FMNL2: variants seen among roughly 807,000 people sequenced by gnomAD.
FMNL2 encodes the protein formin like 2, also known as formin-like protein 2.
FMNL2 carries 51 observed loss-of-function variants against 130.2 expected under a neutral mutation model. The observed-to-expected ratio is 0.39, with a 90% confidence interval of 0.31 to 0.49. The LOEUF is 0.49. Among genes scored for constraint, FMNL2 ranks in the 20% least tolerant of loss-of-function variants. The pLI is 0.85. For synonymous variants in FMNL2, 465 were observed against 467.1 expected, an observed-to-expected ratio of 1.00 and a Z score of 0.06; for missense variants, 977 against 1,316.2, an observed-to-expected ratio of 0.74 and a Z score of 3.99.
intron 7 of FMNL2, among the ~76,000 whole-genome samples, chr2:152,577,834 GTGAGGATTTATAC>G (rs1696560861): frequency 6.6e-6 from 1 of 152,204 alleles, no homozygotes; most frequent in Non-Finnish European, 1.5e-5. Flanking sequence ...TGAGCAGGAA[GTGAGGATTTATAC>G]TGAGTGTCTG....
At chr2:152,646,746 C>A (rs55785027) in intron 25 of FMNL2, among the ~76,000 whole-genome samples, 27,372 of 152,104 alleles carry the variant, frequency 0.18, 2,665 homozygotes, top group East Asian at 0.29. Flanking sequence ...TGTATTCTAG[C>A]AGAAGTCAAC....
chr2:152,485,073 T>C (rs184437211), intron 1 of FMNL2, among the ~76,000 whole-genome samples: 18 of 152,308 alleles, frequency 1.2e-4, no homozygotes, highest in Admixed American at 1.0e-3. Context: ...AAAAATATTC[T>C]GGGGCTGGGC....
chr2:152,486,230 G>A (rs1487965899), intron 1 of FMNL2, among the ~76,000 whole-genome samples: 1 of 152,196 alleles, frequency 6.6e-6, no homozygotes, highest in African/African-American at 2.4e-5. Flanking sequence ...TAAAGTTAAT[G>A]TAATTTACGG....
At chr2:152,637,499 A>C (rs1243666741) in intron 22 of FMNL2, 74 bp from the exon 23 acceptor site, 16 of 1,182,932 alleles carry the variant, frequency 1.4e-5, no homozygotes, top group Non-Finnish European at 1.8e-5. Flanking sequence ...GCTGCTTTGC[A>C]TCAGCGTTCC....
At chr2:152,525,715 C>T (rs966982127) in intron 2 of FMNL2, among the ~76,000 whole-genome samples, 5 of 152,154 alleles carry the variant, frequency 3.3e-5, no homozygotes, top group African/African-American at 7.2e-5. Flanking sequence ...CTGTGCGAAG[C>T]GTTTCAGGGA....
intron 1 of FMNL2, among the ~76,000 whole-genome samples, chr2:152,408,200 G>A (rs944352440): frequency 5.9e-5 from 9 of 152,288 alleles, no homozygotes; most frequent in African/African-American, 2.2e-4. Flanking sequence ...GTTGTGATAA[G>A]TAATCATATG....
intron 1 of FMNL2, among the ~76,000 whole-genome samples, chr2:152,466,266 C>A (rs914609727): frequency 3.9e-5 from 6 of 152,168 alleles, no homozygotes; most frequent in African/African-American, 1.4e-4. Flanking sequence ...AGGACATGCC[C>A]CTGATGGGTC....
At chr2:152,364,449 C>T (rs1335000646) in intron 1 of FMNL2, among the ~76,000 whole-genome samples, 2 of 152,174 alleles carry the variant, frequency 1.3e-5, no homozygotes, top group South Asian at 2.1e-4. Flanking sequence ...CCTGCCTTTG[C>T]ATGTTGTCAT....
chr2:152,384,451 G>A (rs1232231666), intron 1 of FMNL2, among the ~76,000 whole-genome samples: 2 of 152,178 alleles, frequency 1.3e-5, no homozygotes, highest in African/African-American at 4.8e-5. Context: ...CTAGGCCATG[G>A]AATGACTGTG....
intron 4 of FMNL2, among the ~76,000 whole-genome samples, chr2:152,550,103 T>C (rs895988192): frequency 3.3e-5 from 5 of 152,098 alleles, no homozygotes; most frequent in South Asian, 2.1e-4. Context: ...TAAAACCTTT[T>C]CCCCCCCTCA....
At chr2:152,612,178 A>G (rs375882381) in intron 11 of FMNL2, among the ~76,000 whole-genome samples, 7 of 152,218 alleles carry the variant, frequency 4.6e-5, no homozygotes, top group African/African-American at 1.7e-4. Context: ...AGAAGAGTTT[A>G]GCCAGTTCCC....
chr2:152,440,284 G>T (rs1185299213), intron 1 of FMNL2, among the ~76,000 whole-genome samples: 1 of 152,102 alleles, frequency 6.6e-6, no homozygotes. Context: ...CGTTTCAGCA[G>T]CCAACTCAGC....
At chr2:152,445,934 T>G (rs976969139) in intron 1 of FMNL2, among the ~76,000 whole-genome samples, 3 of 152,220 alleles carry the variant, frequency 2.0e-5, no homozygotes, top group African/African-American at 4.8e-5. Context: ...CCAAAAACAT[T>G]ACAGCTCATC....
At chr2:152,549,352 G>A (rs1165316015) in intron 4 of FMNL2, among the ~76,000 whole-genome samples, 1 of 152,154 alleles carries the variant, frequency 6.6e-6, no homozygotes, top group Non-Finnish European at 1.5e-5. Context: ...ATGGACACTT[G>A]GTTTCATGTG....
intron 1 of FMNL2, among the ~76,000 whole-genome samples, chr2:152,347,103 T>A (rs13397100): frequency 0.96 from 144,836 of 151,406 alleles, 69,518 homozygotes; most frequent in Non-Finnish European, 1. Flanking sequence ...AAAAAAAAAA[T>A]TTTTTTTTCA....
intron 9 of FMNL2, among the ~76,000 whole-genome samples, chr2:152,592,511 A>T (rs1449640205): frequency 6.6e-6 from 1 of 152,184 alleles, no homozygotes; most frequent in Admixed American, 6.5e-5. Flanking sequence ...TTCAGAATCA[A>T]TTCCATTTTC....
At chr2:152,642,963 C>CT (rs1683222544) in intron 25 of FMNL2, among the ~76,000 whole-genome samples, 1 of 152,018 alleles carries the variant, frequency 6.6e-6, no homozygotes, top group African/African-American at 2.4e-5. Context: ...GAGCTGAGAT[C>CT]ATGCCACTGC....
At chr2:152,414,678 T>TAGCTGGAGAGTTCG (rs998888681) in intron 1 of FMNL2, among the ~76,000 whole-genome samples, 2 of 152,176 alleles carry the variant, frequency 1.3e-5, no homozygotes, top group African/African-American at 4.8e-5. Flanking sequence ...GAGGCCATTT[T>TAGCTGGAGAGTTCG]AGCTGGAGAG....
chr2:152,502,322 T>C (rs1287860695), intron 1 of FMNL2, among the ~76,000 whole-genome samples: 1 of 152,230 alleles, frequency 6.6e-6, no homozygotes, highest in East Asian at 1.9e-4. Flanking sequence ...AAACACAGGT[T>C]ATAACATTTA....
Sources: gnomAD v4.1 joint callset for allele counts (sites outside exome capture counted in the v4.1 genomes callset) on GRCh38, gnomAD v4.1.1 for gene constraint, MANE v1.5 for transcripts, NCBI Gene and HGNC (gene_info 2026-07-23, HGNC 2026-07-21) for gene names.